The following SLC7A9 variants were observed in gnomAD, a reference collection of about 807,000 sequenced individuals.
The protein encoded by SLC7A9 is B(0,+)-type amino acid transporter 1.
Under a neutral mutation model 54.1 loss-of-function variants are expected in SLC7A9, and 38 were observed. That is an observed-to-expected ratio of 0.70 (90% CI 0.54 to 0.92). SLC7A9 has a LOEUF of 0.92. Ranked by LOEUF, SLC7A9 falls within the 40% of genes least tolerant of loss-of-function variation. The pLI is 0.00. For missense variants in SLC7A9, 537 were observed against 636.1 expected, an observed-to-expected ratio of 0.84 and a Z score of 1.68; for synonymous variants, 264 against 258.9, an observed-to-expected ratio of 1.02 and a Z score of -0.19.
At chr19:32,854,839 C>A (rs188430065) in intron 9 of SLC7A9, among the ~76,000 whole-genome samples, 2 of 152,166 alleles carry the variant, frequency 1.3e-5, no homozygotes, top group Non-Finnish European at 2.9e-5. Flanking sequence ...CCACCCACCT[C>A]GGCCTCCCAA....
At chr19:32,868,287 G>GT (rs1969037702) in intron 2 of SLC7A9, among the ~76,000 whole-genome samples, 161 bp downstream of exon 2, 3 of 150,442 alleles carry the variant, frequency 2.0e-5, no homozygotes, top group Admixed American at 2.0e-4. Context: ...GGAAAGAGAA[G>GT]TAAGTCCAGA....
chr19:32,844,073 C>A, intron 9 of SLC7A9, 122 bp from the exon 10 acceptor site: 1 of 737,070 alleles, frequency 1.4e-6, no homozygotes, highest in South Asian at 1.5e-5. Flanking sequence ...GGGAGCTGAG[C>A]AGGGACCTGA....
At chr19:32,862,668 A>ATTTT in intron 4 of SLC7A9, 82 bp from the exon 5 acceptor site, 20 of 1,000,594 alleles carry the variant, frequency 2.0e-5, no homozygotes, top group South Asian at 2.3e-5. Context: ...TATATTTTTT[A>ATTTT]TTTTTTTTTT....
intron 1 of SLC7A9, among the ~76,000 whole-genome samples, chr19:32,868,850 G>A (rs1007135294): frequency 2.5e-4 from 38 of 152,216 alleles, no homozygotes; most frequent in African/African-American, 8.2e-4. Flanking sequence ...ACGTGCCTGT[G>A]CCTTGAAAGT....
intron 2 of SLC7A9, among the ~76,000 whole-genome samples, chr19:32,868,124 G>A (rs1969029967): frequency 6.7e-6 from 1 of 150,240 alleles, no homozygotes; most frequent in African/African-American, 2.5e-5. Flanking sequence ...CCAGCTACTC[G>A]GGAGGCTGAG....
At chr19:32,839,443 C>T (rs189999433) in intron 11 of SLC7A9, among the ~76,000 whole-genome samples, 135 of 151,294 alleles carry the variant, frequency 8.9e-4, no homozygotes, top group Admixed American at 2.3e-3. Context: ...ATCCCAGCTA[C>T]TTAGAAGGCT....
At chr19:32,865,982 C>A (rs1968959090) in intron 2 of SLC7A9, among the ~76,000 whole-genome samples, 1 of 149,574 alleles carries the variant, frequency 6.7e-6, no homozygotes, top group Admixed American at 6.7e-5. Context: ...AAAACCTGCA[C>A]ATTACACTGT....
At chr19:32,866,152 G>A (rs73926161) in intron 2 of SLC7A9, among the ~76,000 whole-genome samples, 8,514 of 152,170 alleles carry the variant, frequency 0.056, 820 homozygotes, top group African/African-American at 0.19. Flanking sequence ...GAGTCAGATC[G>A]CAGGGGATGA....
chr19:32,866,351 G>A (rs551613673), intron 2 of SLC7A9, among the ~76,000 whole-genome samples: 1 of 152,266 alleles, frequency 6.6e-6, no homozygotes, highest in South Asian at 2.1e-4. Context: ...TCCTGCTGAG[G>A]GACTGCCTGG....
intron 9 of SLC7A9, among the ~76,000 whole-genome samples, chr19:32,856,559 T>A (rs982719993): frequency 6.6e-6 from 1 of 152,174 alleles, no homozygotes; most frequent in Non-Finnish European, 1.5e-5. Flanking sequence ...TTCCACAATG[T>A]TTACATGTAT....
intron 9 of SLC7A9, among the ~76,000 whole-genome samples, chr19:32,856,325 G>C (rs1327094353): frequency 6.6e-6 from 1 of 151,500 alleles, no homozygotes; most frequent in East Asian, 2.0e-4. Context: ...CTCCCAAGTA[G>C]CTAGGACTAC....
rs751210035 is a variant in SLC7A9, at chr19:32,859,911, A to C, written c.803T>G (p.Ile268Ser). The change falls in exon 8 of 13, where the codon ATC (isoleucine) becomes AGC (serine). Residue 268 changes from isoleucine to serine, a missense_variant. By Grantham distance (142) the Ile-to-Ser change is moderately radical. Coordinates refer to ENST00000023064, the MANE Select transcript of SLC7A9 (RefSeq NM_014270.5). ...IGIPLVTACY[I>S]LMNVSYFTVM... ...GGTGAAGTAGGACACGTTCATGAGG[A>C]TGTAGCACGCCGTCACCAGGGGGAT... 2 of 1,614,162 alleles carry C rather than the reference A, an allele frequency of 1.2e-6. No homozygotes were observed. Among genetic ancestry groups the C allele is most frequent in the South Asian group, 2.2e-5 (2 of 91,076 alleles).
intron 12 of SLC7A9, among the ~76,000 whole-genome samples, chr19:32,832,146 G>A (rs866288545): frequency 2.0e-5 from 3 of 151,822 alleles, no homozygotes; most frequent in South Asian, 2.1e-4. Context: ...GAAATTAGCC[G>A]GGTGTGGTGG....
intron 9 of SLC7A9, 96 bp from the exon 10 acceptor site, chr19:32,844,047 T>A: frequency 1.1e-6 from 1 of 902,594 alleles, no homozygotes; most frequent in Non-Finnish European, 1.8e-6. Flanking sequence ...CAAGGAGCCC[T>A]CGGGAGGCTC....
rs1212500386 is a variant in SLC7A9 at position 32,846,934 on chromosome 19, G to A, written c.978-2983C>T. Among the ~76,000 whole-genome samples the A allele has an allele frequency of 2.0e-5, 3 of 152,242 alleles. No individual in the cohort carries two copies. In the East Asian group the frequency reaches 5.8e-4, roughly 29 times the overall value. On this transcript the variant is annotated intron_variant, in intron 9 of 12. Transcript: ENST00000023064. ...GACACCCAGGCAAAAAGGGTCTGGAGTAGACCTCTAGAAAACTCCAGCAGA... is the reference window on the plus strand; with the variant it reads ...GACACCCAGGCAAAAAGGGTCTGGAATAGACCTCTAGAAAACTCCAGCAGA...
intron 11 of SLC7A9, among the ~76,000 whole-genome samples, chr19:32,837,076 G>A (rs1052697112): frequency 3.3e-5 from 5 of 152,040 alleles, no homozygotes; most frequent in East Asian, 3.8e-4. Flanking sequence ...CCATTCTCTC[G>A]TGTTGTTTTA....
At chr19:32,857,018 GC>G (rs1968648222) in intron 9 of SLC7A9, among the ~76,000 whole-genome samples, 1 of 152,056 alleles carries the variant, frequency 6.6e-6, no homozygotes, top group Non-Finnish European at 1.5e-5. Flanking sequence ...AGGCATGATG[GC>G]AGGTGCCTGT....
chr19:32,853,931 AAAAAC>A (rs1968541877), intron 9 of SLC7A9, among the ~76,000 whole-genome samples: 1 of 151,694 alleles, frequency 6.6e-6, no homozygotes, highest in African/African-American at 2.4e-5. Context: ...AAAAAAAAAA[AAAAAC>A]ACCAACAAAC....
intron 1 of SLC7A9, among the ~76,000 whole-genome samples, chr19:32,869,326 AT>A (rs1246480846): frequency 7.2e-5 from 11 of 152,202 alleles, no homozygotes; most frequent in Non-Finnish European, 1.6e-4. Context: ...CCTTCCCAAG[AT>A]TAAAGGCACT....
Sources: allele counts gnomAD v4.1 joint callset (sites outside exome capture counted in the v4.1 genomes callset), GRCh38; gene constraint gnomAD v4.1.1; transcripts MANE v1.5; gene names NCBI Gene and HGNC (gene_info 2026-07-23, HGNC 2026-07-21).